The following IKZF2 variants were observed in gnomAD, a reference collection of about 807,000 sequenced individuals.
The protein encoded by IKZF2 is IKAROS family zinc finger 2, also known as zinc finger protein Helios.
A neutral mutation model predicts 49.2 loss-of-function variants in IKZF2; 15 were observed. The ratio of observed to expected loss-of-function variants is 0.30; its 90% CI spans 0.20 to 0.47. IKZF2 has a LOEUF of 0.47. Among genes scored for constraint, IKZF2 ranks in the 20% least tolerant of loss-of-function variants. The probability of loss-of-function intolerance (pLI) is 1.00; values close to 1 mark genes in which losing one functional copy is unlikely to be tolerated. For missense variants in IKZF2, 567 were observed against 664.6 expected (o/e 0.85, Z 1.61); for synonymous variants, 227 against 221.4 (o/e 1.03, Z -0.23).
chr2:213,073,714 T>A (rs753529260), intron 4 of IKZF2, among the ~76,000 whole-genome samples: 1 of 152,230 alleles, frequency 6.6e-6, no homozygotes, highest in Non-Finnish European at 1.5e-5. Context: ...AATAACATAA[T>A]TTTTGTTTTC....
At chr2:213,093,428 T>C (rs1213383032) in intron 4 of IKZF2, among the ~76,000 whole-genome samples, 3 of 152,268 alleles carry the variant, frequency 2.0e-5, no homozygotes, top group Admixed American at 2.0e-4. Flanking sequence ...CATACTCTAC[T>C]GCTATCTGAG....
At chr2:213,029,958 A>G (rs1459984320) in intron 6 of IKZF2, among the ~76,000 whole-genome samples, 1 of 152,144 alleles carries the variant, frequency 6.6e-6, no homozygotes, top group Non-Finnish European at 1.5e-5. Flanking sequence ...TTAAACAAAA[A>G]AATCATTAGA....
intron 4 of IKZF2, among the ~76,000 whole-genome samples, chr2:213,104,639 T>TAAG (rs1243518410): frequency 2.0e-5 from 3 of 152,182 alleles, no homozygotes; most frequent in Non-Finnish European, 4.4e-5. Flanking sequence ...TAAACACTGA[T>TAAG]AAGGGCACGC....
At chr2:213,015,103 A>G (rs1696423538) in intron 7 of IKZF2, 1 of 152,084 alleles carries the variant, frequency 6.6e-6, no homozygotes, top group Non-Finnish European at 1.5e-5. Context: ...AGGTAGGAAA[A>G]TTCAGTGCAC....
At position 213,100,653 on chromosome 2, in the gene IKZF2, A is replaced by G. The variant is rs188173499; in HGVS notation, c.140-43554T>C. ...CTAAATAAACTATGAAAAACAACCA[A>G]TAAGAGTAACCTTACAGGTTTACAC... On this transcript the variant is annotated intron_variant, in intron 4 of 8. Coordinates refer to ENST00000434687, the MANE Select transcript of IKZF2 (RefSeq NM_001387220.1). Among the ~76,000 whole-genome samples, 164 of 152,166 alleles carry G rather than the reference A, an allele frequency of 1.1e-3. 1 individual carries two copies. Among genetic ancestry groups the G allele is most frequent in the African/African-American group, 3.7e-3 (152 of 41,554 alleles).
intron 4 of IKZF2, among the ~76,000 whole-genome samples, chr2:213,135,387 T>C (rs924877833): frequency 6.6e-6 from 1 of 152,168 alleles, no homozygotes; most frequent in Non-Finnish European, 1.5e-5. Context: ...TATTTGGAAA[T>C]GCCACTGTAA....
At chr2:213,041,494 C>T (rs116674019) in intron 6 of IKZF2, among the ~76,000 whole-genome samples, 3,993 of 151,962 alleles carry the variant, frequency 0.026, 178 homozygotes, top group African/African-American at 0.091. Context: ...AGTAGAAACA[C>T]GGTTTCACCA....
At chr2:213,128,142 T>C (rs2060330683) in intron 4 of IKZF2, among the ~76,000 whole-genome samples, 1 of 152,210 alleles carries the variant, frequency 6.6e-6, no homozygotes, top group Non-Finnish European at 1.5e-5. Flanking sequence ...AAAACAAATG[T>C]ATTTCCTAGA....
intron 2 of IKZF2, among the ~76,000 whole-genome samples, chr2:213,149,822 A>T (rs2061217843): frequency 6.7e-6 from 1 of 149,634 alleles, no homozygotes; most frequent in South Asian, 2.2e-4. Context: ...TTATGGAATA[A>T]TCAGATCAAA....
chr2:213,118,338 C>G (rs987940400), intron 4 of IKZF2, among the ~76,000 whole-genome samples: 1 of 152,166 alleles, frequency 6.6e-6, no homozygotes, highest in Non-Finnish European at 1.5e-5. Flanking sequence ...AATGAGCACA[C>G]CTTTTCAACA....
intron 6 of IKZF2, among the ~76,000 whole-genome samples, chr2:213,027,765 A>C (rs1292592227): frequency 1.3e-5 from 2 of 152,116 alleles, no homozygotes; most frequent in Non-Finnish European, 2.9e-5. Flanking sequence ...TTTTAAAAGT[A>C]TTATATAAAT....
chr2:213,138,079 G>A (rs2060739960), intron 4 of IKZF2, among the ~76,000 whole-genome samples: 1 of 152,062 alleles, frequency 6.6e-6, no homozygotes, highest in South Asian at 2.1e-4. Flanking sequence ...AAAATATCTG[G>A]AGTGCATAAG....
chr2:213,066,755 C>T (rs1453271739), intron 4 of IKZF2, among the ~76,000 whole-genome samples: 1 of 151,890 alleles, frequency 6.6e-6, no homozygotes, highest in Admixed American at 6.6e-5. Context: ...TTTTCTACTC[C>T]TAATGAATGA....
At chr2:213,043,206 A>C (rs553291371) in intron 6 of IKZF2, among the ~76,000 whole-genome samples, 26 of 150,846 alleles carry the variant, frequency 1.7e-4, no homozygotes, top group South Asian at 1.0e-3. Context: ...ACACACACAC[A>C]CCCCTAGTAT....
intron 6 of IKZF2, among the ~76,000 whole-genome samples, chr2:213,029,755 C>G (rs1184939895): frequency 6.6e-6 from 1 of 152,046 alleles, no homozygotes; most frequent in Admixed American, 6.5e-5. Flanking sequence ...GGGCACAAAT[C>G]ATTATTAAGT....
Position 213,058,346 on chromosome 2 carries a change from T to C in IKZF2, c.140-1247A>G, listed in dbSNP as rs577428626. Among the ~76,000 whole-genome samples, 11 of 152,152 alleles carry C rather than the reference T, an allele frequency of 7.2e-5. No individual in the cohort carries two copies. In the South Asian group the frequency reaches 2.1e-3, roughly 29 times the overall value. Reference sequence around the variant, plus strand: ...ACAGTTTAGGTATTAAGAACGAGGATAGTGAGGAACTTAGGTTTAATTTCA... The same window carrying C: ...ACAGTTTAGGTATTAAGAACGAGGACAGTGAGGAACTTAGGTTTAATTTCA... On this transcript the variant is annotated intron_variant, in intron 4 of 8. Coordinates refer to ENST00000434687, the MANE Select transcript of IKZF2 (RefSeq NM_001387220.1).
chr2:213,144,074 G>T (rs751063189), intron 4 of IKZF2, among the ~76,000 whole-genome samples: 57 of 151,848 alleles, frequency 3.8e-4, no homozygotes, highest in Middle Eastern at 3.4e-3. Context: ...CTTCTGCTTC[G>T]CTAGGTTCTA....
intron 4 of IKZF2, among the ~76,000 whole-genome samples, chr2:213,068,940 C>T (rs1186477337): frequency 2.6e-5 from 4 of 151,700 alleles, no homozygotes; most frequent in Middle Eastern, 3.2e-3. Context: ...CACACACACA[C>T]ACACACAACA....
intron 7 of IKZF2, among the ~76,000 whole-genome samples, chr2:213,016,396 T>C (rs959290112): frequency 3.9e-5 from 6 of 152,130 alleles, no homozygotes; most frequent in Admixed American, 2.0e-4. Flanking sequence ...ATTTTGAGCA[T>C]TGACTTTTTG....
Sources: gnomAD v4.1 joint callset for allele counts (sites outside exome capture counted in the v4.1 genomes callset) on GRCh38, gnomAD v4.1.1 for gene constraint, MANE v1.5 for transcripts, NCBI Gene and HGNC (gene_info 2026-07-23, HGNC 2026-07-21) for gene names.